The following SBF2 variants were observed in gnomAD, a reference collection of about 807,000 sequenced individuals.
The protein encoded by SBF2 is myotubularin-related protein 13.
A neutral mutation model predicts 225.2 loss-of-function variants in SBF2; 112 were observed. That is an observed-to-expected ratio of 0.50 (90% CI 0.43 to 0.58). The LOEUF (loss-of-function observed/expected upper bound fraction) is 0.58. SBF2 is among the 20% of genes least tolerant of loss of function. The pLI, the probability that SBF2 is intolerant of heterozygous loss-of-function variation, is 0.00. For synonymous variants in SBF2, 763 were observed against 773.3 expected, an observed-to-expected ratio of 0.99 and a Z score of 0.22; for missense variants, 1,996 against 2,206.2, an observed-to-expected ratio of 0.90 and a Z score of 1.91.
chr11:10,272,439 C>A, intron 1 of SBF2, among the ~76,000 whole-genome samples: 1 of 152,172 alleles, frequency 6.6e-6, no homozygotes, highest in Non-Finnish European at 1.5e-5. Context: ...GTACAAACAA[C>A]CCTGGGCAAA....
At chr11:9,807,824 A>AT (rs931531428) in intron 32 of SBF2, 176 bp downstream of exon 32, 16 of 670,642 alleles carry the variant, frequency 2.4e-5, no homozygotes, top group African/African-American at 7.2e-5. Context: ...AAACCAACTA[A>AT]TTTTTTTTCT....
intron 2 of SBF2, among the ~76,000 whole-genome samples, chr11:10,117,106 A>G (rs1289263745): frequency 1.3e-5 from 2 of 152,190 alleles, no homozygotes; most frequent in African/African-American, 2.4e-5. Flanking sequence ...GTGATCTTTT[A>G]CTTTCATAGT....
intron 2 of SBF2, among the ~76,000 whole-genome samples, chr11:10,153,545 T>C (rs533875871): frequency 3.9e-5 from 6 of 152,168 alleles, no homozygotes; most frequent in Non-Finnish European, 8.8e-5. Flanking sequence ...GATTAATTTA[T>C]AGCACTAAAC....
intron 17 of SBF2, among the ~76,000 whole-genome samples, chr11:9,893,911 C>G (rs1218743488): frequency 1.3e-5 from 2 of 152,198 alleles, no homozygotes; most frequent in Non-Finnish European, 1.5e-5. Flanking sequence ...CTCTTTACCT[C>G]TTAGTAGTTA....
At chr11:10,177,094 A>G (rs1256703460) in intron 2 of SBF2, among the ~76,000 whole-genome samples, 1 of 151,938 alleles carries the variant, frequency 6.6e-6, no homozygotes, top group Non-Finnish European at 1.5e-5. Context: ...CAAAAACCAC[A>G]TGATTATCTC....
At chr11:10,167,915 G>A (rs1296248485) in intron 2 of SBF2, among the ~76,000 whole-genome samples, 1 of 152,210 alleles carries the variant, frequency 6.6e-6, no homozygotes, top group Non-Finnish European at 1.5e-5. Context: ...CTACTTGGGA[G>A]GCTGAGGCAG....
At chr11:10,142,934 A>G (rs1466728408) in intron 2 of SBF2, among the ~76,000 whole-genome samples, 1 of 152,178 alleles carries the variant, frequency 6.6e-6, no homozygotes, top group Non-Finnish European at 1.5e-5. Flanking sequence ...TGGCAATGCA[A>G]TGATAGCATA....
intron 2 of SBF2, among the ~76,000 whole-genome samples, chr11:10,124,960 C>T (rs911967772): frequency 3.3e-5 from 5 of 151,826 alleles, no homozygotes; most frequent in Non-Finnish European, 5.9e-5. Context: ...CAAAAATTAG[C>T]CGGGCGTGGT....
intron 32 of SBF2, among the ~76,000 whole-genome samples, chr11:9,806,017 T>C (rs527287597): frequency 8.5e-5 from 13 of 152,364 alleles, no homozygotes; most frequent in African/African-American, 2.9e-4. Context: ...TATCTATTTA[T>C]TGTCTATTAT....
At chr11:10,033,027 T>C (rs773232418) in intron 3 of SBF2, among the ~76,000 whole-genome samples, 2 of 152,230 alleles carry the variant, frequency 1.3e-5, no homozygotes, top group Non-Finnish European at 2.9e-5. Flanking sequence ...GTTTAGTTTT[T>C]GTATGTATGA....
Position 10,126,733 on chromosome 11 carries a change from C to T in SBF2, c.141+67169G>A, listed in dbSNP as rs201223463. On this transcript the variant is annotated intron_variant, in intron 2 of 39. Transcript: ENST00000256190. ...GAAATTCAAACAGATATTTGTCTAT[C>T]CATGCTTATGGCAGTACTAGTCACA... Among the ~76,000 whole-genome samples the T allele has an allele frequency of 2.6e-5, 4 of 152,178 alleles. No individual in the cohort carries two copies. The East Asian group carries it at 5.8e-4, about 22-fold the overall frequency.
chr11:10,283,481 C>G (rs1963547364), intron 1 of SBF2, among the ~76,000 whole-genome samples: 1 of 151,508 alleles, frequency 6.6e-6, no homozygotes, highest in African/African-American at 2.4e-5. Context: ...GATTAAATGC[C>G]TAAGAAACAT....
intron 16 of SBF2, among the ~76,000 whole-genome samples, chr11:9,897,477 T>C (rs913579288): frequency 6.6e-6 from 1 of 152,104 alleles, no homozygotes; most frequent in Non-Finnish European, 1.5e-5. Context: ...CCTCCCAAAG[T>C]GCTGGGATCA....
intron 25 of SBF2, among the ~76,000 whole-genome samples, chr11:9,840,496 T>C (rs1190649683): frequency 1.3e-5 from 2 of 152,206 alleles, no homozygotes. Flanking sequence ...CAATATAATT[T>C]TGAATTCATT....
chr11:9,999,291 ATGT>A (rs1947843880), intron 8 of SBF2, among the ~76,000 whole-genome samples: 1 of 84,748 alleles, frequency 1.2e-5, no homozygotes, highest in Non-Finnish European at 2.7e-5. Flanking sequence ...GTATGTATGT[ATGT>A]ATGTATGTAT....
chr11:9,811,638 C>T (rs148267367), intron 30 of SBF2, among the ~76,000 whole-genome samples: 4 of 152,064 alleles, frequency 2.6e-5, no homozygotes, highest in Admixed American at 2.6e-4. Flanking sequence ...ACATTTATAG[C>T]CAAATATTTA....
At chr11:10,187,189 A>G (rs762886360) in intron 2 of SBF2, among the ~76,000 whole-genome samples, 2 of 152,134 alleles carry the variant, frequency 1.3e-5, no homozygotes, top group Non-Finnish European at 2.9e-5. Context: ...CTGACGACCA[A>G]CTACTGCTGC....
chr11:9,975,475 T>C (rs1946640437), intron 13 of SBF2, among the ~76,000 whole-genome samples: 1 of 152,128 alleles, frequency 6.6e-6, no homozygotes, highest in South Asian at 2.1e-4. Flanking sequence ...TTTGAGGTGG[T>C]GGGAAGATGT....
intron 1 of SBF2, among the ~76,000 whole-genome samples, chr11:10,226,703 T>C (rs868676188): frequency 4.6e-5 from 7 of 152,172 alleles, no homozygotes; most frequent in Non-Finnish European, 1.0e-4. Flanking sequence ...TGTATATGTG[T>C]CACATTTTCT....
Sources: allele counts gnomAD v4.1 joint callset (sites outside exome capture counted in the v4.1 genomes callset), GRCh38; gene constraint gnomAD v4.1.1; transcripts MANE v1.5; gene names NCBI Gene and HGNC (gene_info 2026-07-23, HGNC 2026-07-21).